The following NCAM2 variants were observed in gnomAD, a reference collection of about 807,000 sequenced individuals.
The protein encoded by NCAM2 is N-CAM-2.
Under a neutral mutation model 98.1 loss-of-function variants are expected in NCAM2, and 30 were observed. The observed-to-expected ratio is 0.31, with a 90% CI of 0.23 to 0.41. The LOEUF is 0.41. Ranked by LOEUF, NCAM2 falls within the 10% of genes least tolerant of loss-of-function variation. The pLI, the probability that NCAM2 is intolerant of heterozygous loss-of-function variation, is 1.00. For missense variants in NCAM2, 867 were observed against 1,005.8 expected (o/e 0.86, Z 1.87); for synonymous variants, 368 against 342.4 (o/e 1.07, Z -0.83).
At chr21:21,370,606 G>A (rs1602133799) in intron 8 of NCAM2, among the ~76,000 whole-genome samples, 2 of 150,318 alleles carry the variant, frequency 1.3e-5, no homozygotes, top group South Asian at 2.1e-4. Context: ...ACATAGCTGC[G>A]GTACATACAT....
intron 17 of NCAM2, among the ~76,000 whole-genome samples, chr21:21,535,556 G>A (rs1037087456): frequency 1.3e-5 from 2 of 151,794 alleles, no homozygotes; most frequent in East Asian, 3.9e-4. Flanking sequence ...ACCCACAAGG[G>A]GCTGAAATAA....
At chr21:21,154,265 G>C (rs1159586747) in intron 1 of NCAM2, among the ~76,000 whole-genome samples, 3 of 151,806 alleles carry the variant, frequency 2.0e-5, no homozygotes, top group Non-Finnish European at 4.4e-5. Flanking sequence ...CATTGTTATG[G>C]AATAAAAAGT....
chr21:21,524,851 A>G (rs1030616326), intron 16 of NCAM2, among the ~76,000 whole-genome samples: 4 of 152,194 alleles, frequency 2.6e-5, no homozygotes, highest in African/African-American at 9.6e-5. Context: ...ACAAATAAAT[A>G]AAAGAAAGCT....
At chr21:21,254,898 TTGTGTGTGTGTG>T (rs34003442) in intron 1 of NCAM2, among the ~76,000 whole-genome samples, 1 of 147,778 alleles carries the variant, frequency 6.8e-6, no homozygotes, top group Non-Finnish European at 1.5e-5. Flanking sequence ...GGATAATAGT[TTGTGTGTGTGTG>T]TGTGTGTGTG....
chr21:21,351,336 T>C (rs1038502386), intron 8 of NCAM2, among the ~76,000 whole-genome samples: 2 of 152,028 alleles, frequency 1.3e-5, no homozygotes, highest in Non-Finnish European at 2.9e-5. Context: ...CAAAAATAAA[T>C]CAACAGCTTA....
intron 1 of NCAM2, among the ~76,000 whole-genome samples, chr21:21,037,542 G>A (rs924759424): frequency 6.6e-6 from 1 of 152,128 alleles, no homozygotes; most frequent in Non-Finnish European, 1.5e-5. Context: ...ATAATTCTTA[G>A]TAATAAGAAA....
intron 1 of NCAM2, among the ~76,000 whole-genome samples, chr21:21,039,970 C>A (rs1176891495): frequency 6.6e-6 from 1 of 152,146 alleles, no homozygotes; most frequent in East Asian, 1.9e-4. Flanking sequence ...TGATGAGTAG[C>A]TGCGGATATT....
intron 1 of NCAM2, among the ~76,000 whole-genome samples, chr21:21,245,858 T>TAAG (rs72552502): frequency 0.99 from 150,894 of 152,228 alleles, 74,802 homozygotes; most frequent in Non-Finnish European, 1. Flanking sequence ...ATAAGGAAGA[T>TAAG]GAGGATAAGG....
At chr21:21,182,322 C>T (rs1478336784) in intron 1 of NCAM2, among the ~76,000 whole-genome samples, 3 of 152,108 alleles carry the variant, frequency 2.0e-5, no homozygotes, top group Non-Finnish European at 2.9e-5. Context: ...CTCATTGGCA[C>T]ATCTCACACA....
chr21:21,122,499 A>C (rs2066695850), intron 1 of NCAM2, among the ~76,000 whole-genome samples: 1 of 152,194 alleles, frequency 6.6e-6, no homozygotes, highest in East Asian at 1.9e-4. Context: ...TTACTGCCAT[A>C]AAACAACAAC....
intron 1 of NCAM2, among the ~76,000 whole-genome samples, chr21:21,246,314 T>C (rs2071269340): frequency 1.3e-5 from 2 of 152,272 alleles, no homozygotes; most frequent in East Asian, 3.9e-4. Flanking sequence ...AAGCCACTCC[T>C]GAGTTCTCGA....
At chr21:21,047,314 C>T (rs2065023338) in intron 1 of NCAM2, among the ~76,000 whole-genome samples, 1 of 151,966 alleles carries the variant, frequency 6.6e-6, no homozygotes, top group Non-Finnish European at 1.5e-5. Context: ...AAAAATATGC[C>T]AGAAAGCAAA....
At chr21:21,240,470 G>A (rs1437430699) in intron 1 of NCAM2, among the ~76,000 whole-genome samples, 2 of 151,970 alleles carry the variant, frequency 1.3e-5, no homozygotes, top group African/African-American at 2.4e-5. Context: ...CCAGCCAAAG[G>A]GAAGGCTACG....
chr21:21,514,029 C>T (rs1188765145), intron 16 of NCAM2, among the ~76,000 whole-genome samples: 1 of 151,736 alleles, frequency 6.6e-6, no homozygotes, highest in Non-Finnish European at 1.5e-5. Flanking sequence ...TACTGTTATG[C>T]AGGTGTGTTC....
chr21:21,272,509 C>CGCGT lies in NCAM2; in HGVS notation c.56-8069_56-8068insGCGT, dbSNP rs200802919. The stretch of plus-strand genomic sequence containing the variant: ...ACATACACACACATGCGCGCGCGCG[C>CGCGT]ACACACACACACACACACACACACT... On this transcript the variant is annotated intron_variant, in intron 1 of 17. Transcript: ENST00000400546. Among the ~76,000 whole-genome samples, 8 of 8,164 alleles carry CGCGT rather than the reference C, an allele frequency of 9.8e-4. No homozygotes were observed. In the East Asian group the frequency reaches 0.03, roughly 31 times the overall value. 5.4% of individuals were successfully genotyped at this position (8,164 alleles called of 152,430 possible). A position where few individuals can be genotyped will look rare whatever the true frequency, so the allele number is the denominator to read the frequency against.
At chr21:21,518,572 A>G (rs117430727) in intron 16 of NCAM2, among the ~76,000 whole-genome samples, 3,219 of 151,878 alleles carry the variant, frequency 0.021, 57 homozygotes, top group Non-Finnish European at 0.034. Flanking sequence ...TAGTTGTTTT[A>G]TTTAAATAGA....
intron 5 of NCAM2, among the ~76,000 whole-genome samples, chr21:21,300,267 A>G (rs1032414864): frequency 2.0e-5 from 3 of 151,932 alleles, no homozygotes; most frequent in African/African-American, 7.2e-5. Context: ...AAACAAGATG[A>G]TGTGTATGTT....
intron 15 of NCAM2, among the ~76,000 whole-genome samples, chr21:21,487,661 G>A (rs1057496316): frequency 3.9e-5 from 6 of 151,992 alleles, no homozygotes; most frequent in Non-Finnish European, 8.8e-5. Context: ...TATAGATCTG[G>A]ATATCTCCTT....
intron 1 of NCAM2, among the ~76,000 whole-genome samples, chr21:21,110,477 A>G (rs1202126356): frequency 6.6e-6 from 1 of 151,880 alleles, no homozygotes; most frequent in Non-Finnish European, 1.5e-5. Context: ...AAGAAAGAAA[A>G]TAGGGGACAC....
Sources: allele counts gnomAD v4.1 joint callset (sites outside exome capture counted in the v4.1 genomes callset), GRCh38; gene constraint gnomAD v4.1.1; transcripts MANE v1.5; gene names NCBI Gene and HGNC (gene_info 2026-07-23, HGNC 2026-07-21).